Variants in ARG1 observed in about 807,000 individuals in gnomAD.
ARG1 encodes arginase 1, also known as arginase-1.
In ARG1, 20 loss-of-function variants were observed where a neutral mutation model predicts 33.0. That is an observed-to-expected ratio of 0.61 (90% CI 0.43 to 0.88). The LOEUF (loss-of-function observed/expected upper bound fraction) is 0.88, where lower values mean the gene tolerates loss of function less well. Among genes scored for constraint, ARG1 ranks in the 40% least tolerant of loss-of-function variants. ARG1 has a pLI of 0.00. For synonymous variants in ARG1, 146 were observed against 140.6 expected (o/e 1.04, Z -0.27); for missense variants, 374 against 384.7 (o/e 0.97, Z 0.23).
At position 131,581,398 on chromosome 6, in the gene ARG1, T is replaced by C; in HGVS notation, c.465+20T>C. 6.2e-7 allele frequency: 1 copy of C among 1,605,908 alleles called. No homozygotes were observed. Among genetic ancestry groups the C allele is most frequent in the Non-Finnish European group, 8.5e-7 (1 of 1,175,524 alleles). ...GGAAAGGTAAAAGACTGGTTGGTAC[T>C]CTAGTGCAATAGAATACTTTTTAGT... On this transcript the variant is annotated intron_variant, in intron 4 of 7. Transcript: ENST00000368087.
chr6:131,581,518 G>T (rs1273949084), intron 4 of ARG1, 140 bp downstream of exon 4: 3 of 1,051,636 alleles, frequency 2.9e-6, no homozygotes, highest in Admixed American at 2.1e-5. Flanking sequence ...ATAAGCAAAG[G>T]GTTGGTTGAT....
Position 131,581,306 on chromosome 6 carries a change from T to G in ARG1, c.393T>G (p.Thr131=), listed in dbSNP as rs747883555. 1 of 1,613,910 alleles carries G rather than the reference T, an allele frequency of 6.2e-7. No individual in the cohort carries two copies. The highest frequency in any genetic ancestry group is 1.1e-5 in the South Asian group (1 of 91,062). ...TGGATGCTCACACTGATATCAACAC[T>G]CCACTGACAACCACAAGTGGAAACT... ...IWVDAHTDIN[T]PLTTTSGNLH... is the part of the protein sequence containing the mutation. The change falls in exon 4 of 8, where the codon ACT becomes ACG. Residue 131 remains threonine, a synonymous_variant. Transcript: ENST00000368087.
intron 4 of ARG1, among the ~76,000 whole-genome samples, chr6:131,582,383 A>G (rs1773970791): frequency 6.6e-6 from 1 of 152,212 alleles, no homozygotes; most frequent in Non-Finnish European, 1.5e-5. Context: ...CCTGGGAAAG[A>G]AGGGCCCAGC....
chr6:131,583,714 A>T, intron 7 of ARG1, 28 bp from the exon 8 acceptor site: 1 of 1,606,550 alleles, frequency 6.2e-7, no homozygotes, highest in Admixed American at 1.7e-5. Context: ...TATTTTATAA[A>T]TTACATTATT....
At position 131,583,771 on chromosome 6, in the gene ARG1, G is replaced by A. The variant is rs770050608; in HGVS notation, c.832G>A (p.Val278Met). The A allele has an allele frequency of 7.4e-6, 12 of 1,613,926 alleles. No individual in the cohort carries two copies. The highest frequency in any genetic ancestry group is 1.0e-5 in the Non-Finnish European group (12 of 1,179,946). The change falls in exon 8 of 8, where the codon GTG becomes ATG. Residue 278 changes from valine to methionine, a missense_variant. By Grantham distance (21) the Val-to-Met change is conservative (BLOSUM62 1). Coordinates refer to ENST00000368087, the MANE Select transcript of ARG1 (RefSeq NM_000045.4). Reference protein sequence around the residue: ...GLLSGLDIMEVNPSLGKTPEE... With the variant: ...GLLSGLDIMEMNPSLGKTPEE... ...ACTCTCAGGATTAGATATAATGGAA[G>A]TGAACCCATCCCTGGGGAAGACACC...
At chr6:131,573,442 C>T in intron 1 of ARG1, 103 bp downstream of exon 1, 1 of 1,105,040 alleles carries the variant, frequency 9.0e-7, no homozygotes, top group Non-Finnish European at 1.4e-6. Context: ...TTTTCTGATA[C>T]AATCTGGCCA....
Position 131,583,044 on chromosome 6 carries a change from AATTTCTCTTT to A in ARG1, c.561-15_561-6del. 6.4e-7 allele frequency: 1 copy of A among 1,569,634 alleles called. No homozygotes were observed. The highest frequency in any genetic ancestry group is 8.7e-7 in the Non-Finnish European group (1 of 1,143,190). On this transcript the variant is annotated splice_region_variant and splice_polypyrimidine_tract_variant and intron_variant, in intron 5 of 7. Transcript: ENST00000368087. ...CAGCCTTATTAATTATAATTATCTT[AATTTCTCTTT>A]TATAGCTACATTTTGAAAACTCTAG...
chr6:131,581,887 T>C (rs1773945192), intron 4 of ARG1, among the ~76,000 whole-genome samples: 1 of 152,204 alleles, frequency 6.6e-6, no homozygotes, highest in South Asian at 2.1e-4. Flanking sequence ...ATCTAAATCA[T>C]AAGAGAAAGA....
chr6:131,573,440 T>A, intron 1 of ARG1, 101 bp downstream of exon 1: 2 of 1,132,494 alleles, frequency 1.8e-6, no homozygotes, highest in South Asian at 1.3e-5. Context: ...AGTTTTCTGA[T>A]ACAATCTGGC....
chr6:131,573,227 T>G lies in ARG1; in HGVS notation c.-56T>G. The G allele has an allele frequency of 6.2e-6, 10 of 1,600,116 alleles. No homozygotes were observed. Among genetic ancestry groups the G allele is most frequent in the Non-Finnish European group, 8.6e-6 (10 of 1,167,386 alleles). Reference sequence around the variant, plus strand: ...ATGGAAAAAAAAGATGCGCCCTCTGTCACTGAGGGTTGACTGACTGGAGAG... The same window carrying G: ...ATGGAAAAAAAAGATGCGCCCTCTGGCACTGAGGGTTGACTGACTGGAGAG... On this transcript the variant is annotated 5_prime_UTR_variant, in exon 1 of 8. Transcript: ENST00000368087.
At chr6:131,577,937 G>A (rs1240187754) in intron 2 of ARG1, among the ~76,000 whole-genome samples, 3 of 150,376 alleles carry the variant, frequency 2.0e-5, no homozygotes, top group South Asian at 4.2e-4. Flanking sequence ...GGAATGGACC[G>A]CAAACACAGG....
At chr6:131,581,136 C>A in intron 3 of ARG1, 83 bp from the exon 4 acceptor site, 1 of 1,424,534 alleles carries the variant, frequency 7.0e-7, no homozygotes, top group South Asian at 1.2e-5. Context: ...AAAGGAAAAC[C>A]AAGTGGGAGC....
At chr6:131,575,032 T>C (rs1773547315) in intron 1 of ARG1, among the ~76,000 whole-genome samples, 1 of 152,140 alleles carries the variant, frequency 6.6e-6, no homozygotes. Context: ...GCTTAGAAAG[T>C]CGGTGGAGCT....
chr6:131,583,064 A>G lies in ARG1; in HGVS notation c.565A>G (p.Ile189Val). 1 of 1,611,026 alleles carries G rather than the reference A, an allele frequency of 6.2e-7. No individual in the cohort carries two copies. The highest frequency in any genetic ancestry group is 8.5e-7 in the Non-Finnish European group (1 of 1,177,628). The change falls in exon 6 of 8, where the codon ATT (isoleucine) becomes GTT (valine). Residue 189 changes from isoleucine to valine, a missense_variant. Physicochemically the swap from Ile to Val is conservative, Grantham distance 29. Transcript: ENST00000368087. ...LRDVDPGEHYILKTLGIKYFS... is the reference protein window; with the variant it reads ...LRDVDPGEHYVLKTLGIKYFS... Reference sequence around the variant, plus strand: ...ATCTTAATTTCTCTTTTATAGCTACATTTTGAAAACTCTAGGCATTAAATA... The same window carrying G: ...ATCTTAATTTCTCTTTTATAGCTACGTTTTGAAAACTCTAGGCATTAAATA...
chr6:131,578,965 A>G, intron 2 of ARG1, 146 bp from the exon 3 acceptor site: 1 of 894,756 alleles, frequency 1.1e-6, no homozygotes, highest in Non-Finnish European at 1.7e-6. Context: ...ACATGGGTCT[A>G]CCTTCCCAAG....
In ARG1 at chr6:131,581,042, A is replaced by C. The variant is rs116284369; in HGVS notation, c.306-177A>C. Among the ~76,000 whole-genome samples the C allele has an allele frequency of 7.4e-3, 1,131 of 152,342 alleles. 15 individuals are homozygous for C. The highest frequency in any genetic ancestry group is 0.025 in the African/African-American group (1,035 of 41,576). On this transcript the variant is annotated intron_variant, in intron 3 of 7. Transcript: ENST00000368087. Reference sequence around the variant, plus strand: ...AAATATAACTAGTTAGTGAGCATTAAGTGTAAGTTATGCTTTCTCTATTGT... The same window carrying C: ...AAATATAACTAGTTAGTGAGCATTACGTGTAAGTTATGCTTTCTCTATTGT...
At chr6:131,573,396 C>T in intron 1 of ARG1, 57 bp downstream of exon 1, 2 of 1,559,584 alleles carry the variant, frequency 1.3e-6, no homozygotes, top group East Asian at 4.5e-5. Context: ...TTTTGGACTT[C>T]AAAATTTGTA....
intron 2 of ARG1, 68 bp from the exon 3 acceptor site, chr6:131,579,043 G>A: frequency 6.5e-7 from 1 of 1,547,562 alleles, no homozygotes; most frequent in Non-Finnish European, 8.9e-7. Context: ...ATACAATTGA[G>A]ATCATCCTAC....
At chr6:131,582,965 T>C (rs1774011346) in intron 5 of ARG1, 95 bp from the exon 6 acceptor site, 18 of 918,856 alleles carry the variant, frequency 2.0e-5, no homozygotes, top group African/African-American at 1.4e-4. Flanking sequence ...CCTAAATGTT[T>C]TATATATTTT....
Sources: gnomAD v4.1 joint callset for allele counts (sites outside exome capture counted in the v4.1 genomes callset) on GRCh38, gnomAD v4.1.1 for gene constraint, MANE v1.5 for transcripts, NCBI Gene and HGNC (gene_info 2026-07-23, HGNC 2026-07-21) for gene names.